Variants in EEPD1 observed in about 807,000 individuals in gnomAD.
EEPD1 encodes the protein endonuclease/exonuclease/phosphatase family domain containing 1.
Under a neutral mutation model 46.3 loss-of-function variants are expected in EEPD1, and 17 were observed. The observed-to-expected ratio is 0.37, with a 90% confidence interval of 0.25 to 0.55. The LOEUF (loss-of-function observed/expected upper bound fraction) is 0.55. EEPD1 is among the 20% of genes least tolerant of loss of function. The pLI is 0.83. For missense variants in EEPD1, 673 were observed against 745.6 expected (o/e 0.90, Z 1.13); for synonymous variants, 313 against 315.6 (o/e 0.99, Z 0.09).
chr7:36,160,802 G>T (rs1784892250), intron 2 of EEPD1, among the ~76,000 whole-genome samples: 1 of 152,172 alleles, frequency 6.6e-6, no homozygotes, highest in Admixed American at 6.5e-5. Flanking sequence ...CCTTTTAGAG[G>T]TAAAAACTGG....
At chr7:36,180,536 G>A (rs1189564788) in intron 2 of EEPD1, among the ~76,000 whole-genome samples, 2 of 152,196 alleles carry the variant, frequency 1.3e-5, no homozygotes, top group Non-Finnish European at 2.9e-5. Context: ...AAAGCAGGGA[G>A]GTAGGCAGGA....
chr7:36,239,404 G>A (rs1786516017), intron 3 of EEPD1, among the ~76,000 whole-genome samples: 1 of 152,026 alleles, frequency 6.6e-6, no homozygotes, highest in Non-Finnish European at 1.5e-5. Context: ...TCTGCTTGCT[G>A]TGTGTTATTA....
rs200594698 is a variant in EEPD1, at chr7:36,167,564, A to G, written c.878+12362A>G. On this transcript the variant is annotated intron_variant, in intron 2 of 7. Coordinates refer to ENST00000242108, the MANE Select transcript of EEPD1 (RefSeq NM_030636.3). ...AGAGCAGTGACCTGGAGCCTTCTAC[A>G]CTGCCACCCCCACGCAGCAGCCTCC... 6.6e-5 allele frequency among the ~76,000 whole-genome samples: 10 copies of G among 152,182 alleles called. No homozygotes were observed. In the East Asian group the frequency reaches 1.5e-3, roughly 24 times the overall value.
At chr7:36,202,611 G>A (rs1785733567) in intron 2 of EEPD1, among the ~76,000 whole-genome samples, 2 of 152,278 alleles carry the variant, frequency 1.3e-5, no homozygotes, top group South Asian at 4.2e-4. Flanking sequence ...ATAATTCTCA[G>A]CTTGATTCAG....
intron 2 of EEPD1, among the ~76,000 whole-genome samples, chr7:36,204,075 C>T (rs994740387): frequency 6.0e-5 from 9 of 150,166 alleles, no homozygotes; most frequent in Non-Finnish European, 1.3e-4. Flanking sequence ...TACTCTGTGG[C>T]CCAGGCTAGA....
intron 2 of EEPD1, among the ~76,000 whole-genome samples, chr7:36,157,327 G>C (rs1583776651): frequency 6.6e-6 from 1 of 152,158 alleles, no homozygotes; most frequent in East Asian, 1.9e-4. Flanking sequence ...GCGTTGAGGA[G>C]CTTATTCATC....
At chr7:36,269,694 A>G (rs1054314813) in intron 3 of EEPD1, among the ~76,000 whole-genome samples, 25 of 152,028 alleles carry the variant, frequency 1.6e-4, no homozygotes, top group African/African-American at 5.8e-4. Flanking sequence ...CCAGGAGTTT[A>G]AGAGCAGCCT....
chr7:36,154,605 T>G lies in EEPD1; in HGVS notation c.281T>G (p.Val94Gly). The part of the protein sequence containing the change: ...SGVGATKLEQ[V>G]KFEICVSSKG... Reference sequence around the variant, plus strand: ...GTAGGCGCCACCAAGCTGGAGCAGGTCAAGTTTGAGATCTGTGTGAGCAGC... The same window carrying G: ...GTAGGCGCCACCAAGCTGGAGCAGGGCAAGTTTGAGATCTGTGTGAGCAGC... The change falls in exon 2 of 8, where the codon GTC (valine) becomes GGC (glycine). Residue 94 changes from valine (V) to glycine (G), a missense_variant. Val to Gly is a moderately radical substitution (Grantham distance 109). Transcript: ENST00000242108. The surrounding 1 kb of genome is among the most constrained non-coding windows in gnomAD (Gnocchi z 4.2). 6.2e-7 allele frequency: 1 copy of G among 1,613,818 alleles called. No homozygotes were observed. Among genetic ancestry groups the G allele is most frequent in the Non-Finnish European group, 8.5e-7 (1 of 1,179,972 alleles).
At chr7:36,281,714 T>TG (rs1787263702) in intron 4 of EEPD1, among the ~76,000 whole-genome samples, 1 of 152,240 alleles carries the variant, frequency 6.6e-6, no homozygotes, top group African/African-American at 2.4e-5. Context: ...ATCACCCATA[T>TG]GAGCAGGTAA....
chr7:36,223,158 A>AAAT (rs1271042730), intron 2 of EEPD1, among the ~76,000 whole-genome samples: 2 of 151,670 alleles, frequency 1.3e-5, no homozygotes, highest in Non-Finnish European at 2.9e-5. Context: ...CTCAAAAAAT[A>AAAT]AATAAATAAA....
intron 2 of EEPD1, among the ~76,000 whole-genome samples, chr7:36,171,818 A>G (rs1481431096): frequency 1.3e-5 from 2 of 152,212 alleles, no homozygotes; most frequent in African/African-American, 4.8e-5. Flanking sequence ...GCTTGTTGGT[A>G]GCTGGCATCT....
chr7:36,272,503 G>GTTTTTTTTT (rs768898390), intron 3 of EEPD1, among the ~76,000 whole-genome samples: 16 of 122,662 alleles, frequency 1.3e-4, no homozygotes, highest in South Asian at 2.8e-4. Flanking sequence ...GTTTTTTGTT[G>GTTTTTTTTT]TTGTTTTTTT....
intron 6 of EEPD1, among the ~76,000 whole-genome samples, chr7:36,291,996 A>G (rs181522656): frequency 1.3e-5 from 2 of 152,316 alleles, no homozygotes; most frequent in Admixed American, 6.5e-5. Flanking sequence ...AAATGTCTAA[A>G]ATGCTTTAGG....
At chr7:36,270,692 C>T (rs892250717) in intron 3 of EEPD1, among the ~76,000 whole-genome samples, 1 of 152,156 alleles carries the variant, frequency 6.6e-6, no homozygotes, top group African/African-American at 2.4e-5. Flanking sequence ...ACATTTTCTT[C>T]ATCCAGTATC....
intron 2 of EEPD1, among the ~76,000 whole-genome samples, chr7:36,234,761 C>T (rs559066804): frequency 9.2e-5 from 14 of 152,056 alleles, no homozygotes; most frequent in Admixed American, 1.3e-4. Flanking sequence ...AGAACCTGTG[C>T]GGGTTGCTGG....
At chr7:36,192,325 G>A (rs1379518520) in intron 2 of EEPD1, among the ~76,000 whole-genome samples, 5 of 152,210 alleles carry the variant, frequency 3.3e-5, no homozygotes, top group African/African-American at 1.2e-4. Flanking sequence ...CTTGTATCAC[G>A]TGAATTGAGG....
chr7:36,171,126 C>T (rs1022486134), intron 2 of EEPD1, among the ~76,000 whole-genome samples: 7 of 152,130 alleles, frequency 4.6e-5, no homozygotes, highest in African/African-American at 9.7e-5. Context: ...CCTCATTATG[C>T]GGCCAAGGCC....
chr7:36,263,055 T>C (rs983395749), intron 3 of EEPD1, among the ~76,000 whole-genome samples: 4 of 152,174 alleles, frequency 2.6e-5, no homozygotes, highest in Non-Finnish European at 4.4e-5. Flanking sequence ...TAAAAAACTT[T>C]AGCTGTTCAT....
In EEPD1 at chr7:36,299,119, A is replaced by C; in HGVS notation, c.1623A>C (p.Glu541Asp). ...HCPVLAEFYTEKDWSKKDAPR... is the reference protein window; with the variant it reads ...HCPVLAEFYTDKDWSKKDAPR... ...CAGTGCTAGCCGAGTTCTACACTGA[A>C]AAGGACTGGAGCAAGAAGGATGCCC... Residue 541 changes from glutamate (E) to aspartate (D), a missense_variant, in exon 8 of 8, where the codon GAA (glutamate) becomes GAC (aspartate). Transcript: ENST00000242108. 1 of 1,611,498 alleles carries C rather than the reference A, an allele frequency of 6.2e-7. No homozygotes were observed. Among genetic ancestry groups the C allele is most frequent in the Non-Finnish European group, 8.5e-7 (1 of 1,177,866 alleles).
Sources: gnomAD v4.1 joint callset for allele counts (sites outside exome capture counted in the v4.1 genomes callset) on GRCh38, gnomAD v4.1.1 for gene constraint, Gnocchi (gnomAD v3.1) non-coding constraint, MANE v1.5 for transcripts, NCBI Gene and HGNC (gene_info 2026-07-23, HGNC 2026-07-21) for gene names.